The following PANK1 variants were observed in gnomAD, a reference collection of about 807,000 sequenced individuals.
PANK1 encodes pantothenate kinase 1.
Under a neutral mutation model 40.1 loss-of-function variants are expected in PANK1, and 18 were observed. The observed-to-expected ratio is 0.45, with a 90% confidence interval of 0.31 to 0.67. The LOEUF is 0.67. PANK1 is among the 30% of genes least tolerant of loss of function. PANK1 has a pLI of 0.06. For synonymous variants in PANK1, 242 were observed against 237.7 expected (o/e 1.02, Z -0.17); for missense variants, 457 against 599.6 (o/e 0.76, Z 2.48).
At chr10:89,606,680 C>T (rs1191161078) in intron 2 of PANK1, among the ~76,000 whole-genome samples, 2 of 152,158 alleles carry the variant, frequency 1.3e-5, no homozygotes, top group Admixed American at 1.3e-4. Context: ...TGCACCACCA[C>T]ATCTGGCTAA....
chr10:89,601,357 G>A (rs1444795048), intron 2 of PANK1, among the ~76,000 whole-genome samples: 2 of 146,534 alleles, frequency 1.4e-5, no homozygotes, highest in Non-Finnish European at 3.0e-5. Flanking sequence ...GGTACATGCT[G>A]CTGGTCCTAG....
intron 2 of PANK1, among the ~76,000 whole-genome samples, chr10:89,603,217 G>A (rs1263824086): frequency 1.3e-5 from 2 of 152,048 alleles, no homozygotes; most frequent in South Asian, 2.1e-4. Context: ...AATCACCCCC[G>A]ACCATGACCA....
rs760497438 is a variant in PANK1 at position 89,645,013 on chromosome 10, G to C, written c.-122C>G. The C allele has an allele frequency of 9.6e-6, 15 of 1,566,776 alleles. No homozygotes were observed. Among genetic ancestry groups the C allele is most frequent in the Admixed American group, 1.8e-5 (1 of 54,104 alleles). ...CTTCCGATTCAGCAGCCGCAGAGCC[G>C]GCGCCTGGGGATGGCGAACCCGGCG... On this transcript the variant is annotated 5_prime_UTR_variant, in exon 1 of 7. Transcript: ENST00000307534.
chr10:89,616,892 G>A (rs1845336841), intron 1 of PANK1, among the ~76,000 whole-genome samples: 1 of 151,450 alleles, frequency 6.6e-6, no homozygotes, highest in Non-Finnish European at 1.5e-5. Flanking sequence ...CTGCACTCCA[G>A]CCTGGGGGAC....
At chr10:89,592,201 C>G (rs1014969777) in intron 5 of PANK1, among the ~76,000 whole-genome samples, 7 of 152,260 alleles carry the variant, frequency 4.6e-5, no homozygotes, top group African/African-American at 1.4e-4. Context: ...GATCTGCAGG[C>G]CAGTAACATA....
intron 3 of PANK1, among the ~76,000 whole-genome samples, chr10:89,597,952 A>C (rs1291712983): frequency 6.6e-6 from 1 of 152,246 alleles, no homozygotes; most frequent in East Asian, 1.9e-4. Flanking sequence ...ATTAACTTAC[A>C]AAACAAAGCC....
At chr10:89,606,935 G>C (rs938402919) in intron 2 of PANK1, among the ~76,000 whole-genome samples, 1 of 152,194 alleles carries the variant, frequency 6.6e-6, no homozygotes, top group African/African-American at 2.4e-5. Context: ...GTTGTGGCTG[G>C]TTTGATCTTT....
At chr10:89,609,921 A>G (rs1473430945) in intron 2 of PANK1, among the ~76,000 whole-genome samples, 1 of 152,224 alleles carries the variant, frequency 6.6e-6, no homozygotes, top group Non-Finnish European at 1.5e-5. Flanking sequence ...CAGAGGTTGC[A>G]TCAATCCTCT....
chr10:89,627,551 T>C (rs1841511181), intron 1 of PANK1, among the ~76,000 whole-genome samples: 1 of 152,194 alleles, frequency 6.6e-6, no homozygotes, highest in Admixed American at 6.5e-5. Context: ...TCCTAGACGG[T>C]GTGAGGCACT....
chr10:89,618,148 C>A (rs1360148306), intron 1 of PANK1, among the ~76,000 whole-genome samples: 1 of 152,194 alleles, frequency 6.6e-6, no homozygotes, highest in Non-Finnish European at 1.5e-5. Context: ...CTAAAGGACC[C>A]TTCTCCACCT....
intron 3 of PANK1, among the ~76,000 whole-genome samples, chr10:89,595,087 A>C (rs1844520970): frequency 6.6e-6 from 1 of 152,234 alleles, no homozygotes; most frequent in Non-Finnish European, 1.5e-5. Flanking sequence ...GGTTATGTTT[A>C]ATAATGTCAA....
At chr10:89,617,542 A>T (rs926363614) in intron 1 of PANK1, among the ~76,000 whole-genome samples, 1 of 152,232 alleles carries the variant, frequency 6.6e-6, no homozygotes, top group Non-Finnish European at 1.5e-5. Flanking sequence ...GTATGGCTGG[A>T]AAAAGCAGCT....
intron 1 of PANK1, among the ~76,000 whole-genome samples, chr10:89,630,641 C>G (rs1276831146): frequency 6.6e-6 from 1 of 151,974 alleles, no homozygotes; most frequent in East Asian, 1.9e-4. Flanking sequence ...TACAGGCACC[C>G]GTCACCTCGC....
At chr10:89,612,146 T>C in intron 1 of PANK1, 98 bp from the exon 2 acceptor site, 2 of 930,140 alleles carry the variant, frequency 2.2e-6, no homozygotes, top group Admixed American at 5.2e-5. Flanking sequence ...GTATCATATC[T>C]ACATGTGCAT....
downstream of PANK1, chr10:89,582,621 G>C (rs111780552): frequency 2.0e-5 from 3 of 152,124 alleles, no homozygotes; most frequent in Admixed American, 1.3e-4. Flanking sequence ...ATAATATGTA[G>C]ATTTTTAACT....
chr10:89,625,455 C>T (rs1371704912), intron 1 of PANK1, among the ~76,000 whole-genome samples: 1 of 152,076 alleles, frequency 6.6e-6, no homozygotes, highest in South Asian at 2.1e-4. Flanking sequence ...ATGACTAAAC[C>T]CCATGGCTGT....
At chr10:89,600,590 G>A (rs1308865017) in intron 2 of PANK1, among the ~76,000 whole-genome samples, 1 of 152,194 alleles carries the variant, frequency 6.6e-6, no homozygotes, top group Admixed American at 6.5e-5. Flanking sequence ...TTTTATTAAT[G>A]TCTGGGGTGG....
At chr10:89,606,888 G>T (rs1844981767) in intron 2 of PANK1, among the ~76,000 whole-genome samples, 1 of 152,228 alleles carries the variant, frequency 6.6e-6, no homozygotes, top group Non-Finnish European at 1.5e-5. Context: ...TGAAGAGTTA[G>T]GGCCTTGCTC....
chr10:89,595,871 T>A (rs74998039), intron 3 of PANK1, among the ~76,000 whole-genome samples: 5,475 of 98,428 alleles, frequency 0.056, 353 homozygotes, highest in East Asian at 0.19. Flanking sequence ...TATATATATA[T>A]ATAACTTCAT....
Sources: allele counts gnomAD v4.1 joint callset (sites outside exome capture counted in the v4.1 genomes callset), GRCh38; gene constraint gnomAD v4.1.1; transcripts MANE v1.5; gene names NCBI Gene and HGNC (gene_info 2026-07-23, HGNC 2026-07-21).